The following TJP2 variants were observed in gnomAD, a reference collection of about 807,000 sequenced individuals.
TJP2 encodes the protein Friedreich ataxia region gene X104 (tight junction protein ZO-2).
Under a neutral mutation model 133.1 loss-of-function variants are expected in TJP2, and 91 were observed. That is an observed-to-expected ratio of 0.68 (90% CI 0.58 to 0.81). The LOEUF (loss-of-function observed/expected upper bound fraction) is 0.81, where lower values mean the gene tolerates loss of function less well. Ranked by LOEUF, TJP2 falls within the 40% of genes least tolerant of loss-of-function variation. The pLI, the probability that TJP2 is intolerant of heterozygous loss-of-function variation, is 0.00. For missense variants in TJP2, 1,541 were observed against 1,565.6 expected (o/e 0.98, Z 0.26); for synonymous variants, 592 against 583.4 (o/e 1.01, Z -0.21).
intron 2 of TJP2, among the ~76,000 whole-genome samples, chr9:69,153,533 G>A (rs1050069490): frequency 1.3e-5 from 2 of 152,146 alleles, no homozygotes; most frequent in African/African-American, 4.8e-5. Context: ...ACAGTGAGCT[G>A]AGATCGTGCC....
chr9:69,228,503 C>A (rs943512766), intron 9 of TJP2, among the ~76,000 whole-genome samples: 2 of 151,912 alleles, frequency 1.3e-5, no homozygotes, highest in Non-Finnish European at 2.9e-5. Context: ...ACCCACTGAA[C>A]CTAAAATAAA....
chr9:69,182,586 A>G (rs1825589188), intron 1 of TJP2, among the ~76,000 whole-genome samples: 1 of 152,144 alleles, frequency 6.6e-6, no homozygotes, highest in African/African-American at 2.4e-5. Context: ...GGTAGACTCA[A>G]TCTGCCAGAC....
intron 17 of TJP2, among the ~76,000 whole-genome samples, chr9:69,241,179 C>G (rs901915866): frequency 2.0e-4 from 30 of 152,224 alleles, no homozygotes; most frequent in Admixed American, 8.5e-4. Context: ...AGAGCCATTG[C>G]TATTACTCAT....
chr9:69,208,916 T>G (rs60996078), intron 1 of TJP2, among the ~76,000 whole-genome samples: 10,027 of 152,224 alleles, frequency 0.066, 445 homozygotes, highest in East Asian at 0.22. Flanking sequence ...TAATTCACTT[T>G]GTTGAAATTT....
intron 1 of TJP2, among the ~76,000 whole-genome samples, chr9:69,210,572 C>T (rs1827818637): frequency 6.6e-6 from 1 of 151,918 alleles, no homozygotes; most frequent in Admixed American, 6.6e-5. Flanking sequence ...AGATAATAAT[C>T]TTTTGGAATG....
chr9:69,154,362 G>A (rs905235116), intron 2 of TJP2, among the ~76,000 whole-genome samples: 3 of 152,152 alleles, frequency 2.0e-5, no homozygotes, highest in Non-Finnish European at 4.4e-5. Context: ...CTGCCAAACC[G>A]CTCTGGACCT....
upstream of TJP2, among the ~76,000 whole-genome samples, chr9:69,173,620 G>A (rs1824813494): frequency 1.3e-5 from 2 of 152,202 alleles, no homozygotes; most frequent in African/African-American, 2.4e-5. Flanking sequence ...ATTCGGGTAG[G>A]CAGTTGTTGG....
intron 1 of TJP2, among the ~76,000 whole-genome samples, chr9:69,133,117 A>C (rs1019003675): frequency 2.6e-5 from 4 of 152,002 alleles, no homozygotes; most frequent in African/African-American, 7.3e-5. Flanking sequence ...ATGTGCCATC[A>C]CACCTGGCTA....
chr9:69,156,811 G>A lies in TJP2; in HGVS notation c.-10+5040G>A, dbSNP rs541315401. On this transcript the variant is annotated intron_variant, in intron 2 of 5. Coordinates refer to the TJP2 transcript ENST00000423935. ...TGGGATTACAGGCGTGAGCCACCGC[G>A]CCCGGCCAATACATGTAAGATTTAC... 5.3e-5 allele frequency among the ~76,000 whole-genome samples: 8 copies of A among 152,190 alleles called. No individual in the cohort carries two copies. The South Asian group carries it at 1.5e-3, about 28-fold the overall frequency.
At position 69,177,342 on chromosome 9, in the gene TJP2, A is replaced by T. The variant is rs1825171021; in HGVS notation, c.60+2910A>T. Among the ~76,000 whole-genome samples the T allele has an allele frequency of 2.0e-5, 3 of 152,348 alleles. No homozygotes were observed. The South Asian group carries it at 6.2e-4, about 32-fold the overall frequency. The stretch of plus-strand genomic sequence containing the variant: ...TGTCTTGATCCTAAATCCAAGGGTT[A>T]GGGTCAGAAACACAGACTCAGAGGT... On this transcript the variant is annotated intron_variant, in intron 1 of 22. Coordinates refer to ENST00000377245, the MANE Select transcript of TJP2 (RefSeq NM_004817.4).
intron 1 of TJP2, among the ~76,000 whole-genome samples, chr9:69,134,755 C>T (rs184947635): frequency 9.2e-5 from 14 of 151,958 alleles, no homozygotes; most frequent in Admixed American, 7.9e-4. Context: ...GTACCAATGA[C>T]TGGGTGGGTT....
chr9:69,174,040 C>G, upstream of TJP2: 1 of 1,052,606 alleles, frequency 9.5e-7, no homozygotes, highest in Non-Finnish European at 1.1e-6. Flanking sequence ...CCGCCCCCGG[C>G]CAGGAGTCGC....
intron 16 of TJP2, 112 bp from the exon 17 acceptor site, chr9:69,239,823 AAC>A (rs1830461618): frequency 5.6e-5 from 7 of 124,748 alleles, no homozygotes; most frequent in Non-Finnish European, 8.3e-5. Flanking sequence ...CAAATAAGTA[AAC>A]AAACAAACAA....
chr9:69,223,452 C>T lies in TJP2; in HGVS notation c.953-1852C>T, dbSNP rs900819395. On this transcript the variant is annotated intron_variant, in intron 5 of 22. Transcript: ENST00000377245. ...CCTCCCAAGTAGCTGGGACTGTAGGCGCCCGCCACCACACCCGGCTAATTT... is the reference window on the plus strand; with the variant it reads ...CCTCCCAAGTAGCTGGGACTGTAGGTGCCCGCCACCACACCCGGCTAATTT... Among the ~76,000 whole-genome samples the T allele has an allele frequency of 7.2e-5, 11 of 152,244 alleles. No individual in the cohort carries two copies. The East Asian group carries it at 7.7e-4, about 11-fold the overall frequency.
chr9:69,228,651 G>A (rs1016749414), intron 9 of TJP2, among the ~76,000 whole-genome samples: 9 of 152,146 alleles, frequency 5.9e-5, no homozygotes, highest in African/African-American at 2.2e-4. Flanking sequence ...TCCAGAGGGT[G>A]GCTGAAAGGG....
intron 1 of TJP2, among the ~76,000 whole-genome samples, chr9:69,176,841 G>A (rs1200917227): frequency 6.6e-6 from 1 of 152,100 alleles, no homozygotes; most frequent in African/African-American, 2.4e-5. Context: ...ATCTTTTTAC[G>A]AGACACAAGT....
chr9:69,249,539 A>G, intron 20 of TJP2, 54 bp downstream of exon 20: 1 of 1,559,528 alleles, frequency 6.4e-7, no homozygotes, highest in Admixed American at 1.9e-5. Flanking sequence ...ATGCCTCTGA[A>G]GCCTCCTGGA....
upstream of TJP2, among the ~76,000 whole-genome samples, chr9:69,170,671 C>T (rs947679572): frequency 1.3e-5 from 2 of 152,200 alleles, no homozygotes; most frequent in Admixed American, 6.5e-5. Flanking sequence ...TTGACCTCCT[C>T]GAAATTCCAT....
chr9:69,176,480 T>G (rs2132952167), intron 1 of TJP2, among the ~76,000 whole-genome samples: 1 of 152,248 alleles, frequency 6.6e-6, no homozygotes, highest in East Asian at 1.9e-4. Context: ...TTAAAAGGCC[T>G]TGAAGGCCAT....
Sources: gnomAD v4.1 joint callset for allele counts (sites outside exome capture counted in the v4.1 genomes callset) on GRCh38, gnomAD v4.1.1 for gene constraint, MANE v1.5 for transcripts, NCBI Gene and HGNC (gene_info 2026-07-23, HGNC 2026-07-21) for gene names.